The following TUT4 variants were observed in gnomAD, a reference collection of about 807,000 sequenced individuals.
TUT4 encodes the protein terminal uridylyltransferase 4.
Under a neutral mutation model 192.2 loss-of-function variants are expected in TUT4, and 36 were observed. The observed-to-expected ratio is 0.19, with a 90% CI of 0.14 to 0.25. The LOEUF is 0.25. TUT4 is among the 10% of genes least tolerant of loss of function. The pLI is 1.00. For synonymous variants in TUT4, 618 were observed against 666.0 expected, an observed-to-expected ratio of 0.93 and a Z score of 1.11; for missense variants, 1,493 against 1,957.2, an observed-to-expected ratio of 0.76 and a Z score of 4.47.
chr1:52,505,642 G>C (rs1303181845), intron 4 of TUT4, among the ~76,000 whole-genome samples: 1 of 151,806 alleles, frequency 6.6e-6, no homozygotes, highest in Non-Finnish European at 1.5e-5. Context: ...GGCTGGTCTC[G>C]AATTCCCAAC....
At chr1:52,463,090 T>C in intron 16 of TUT4, 1 of 983,364 alleles carries the variant, frequency 1.0e-6, no homozygotes. Flanking sequence ...CTTAAAAGTT[T>C]CAATTATGGC....
chr1:52,488,994 C>A lies in TUT4; in HGVS notation c.1430G>T (p.Cys477Phe). 6.2e-7 allele frequency: 1 copy of A among 1,613,670 alleles called. No individual in the cohort carries two copies. Residue 477 changes from cysteine to phenylalanine, a missense_variant, in exon 9 of 30, where the codon TGT (cysteine) becomes TTT (phenylalanine). Coordinates refer to ENST00000257177, the MANE Select transcript of TUT4 (RefSeq NM_001009881.3). ...CRVSAGNDMACLTTDLLTALG... is the reference protein window; with the variant it reads ...CRVSAGNDMAFLTTDLLTALG... Reference sequence around the variant, plus strand: ...GGCAGTAAGTAAATCAGTAGTGAGACATGCCATATCGTTTCCTGCACTCAC... The same window carrying A: ...GGCAGTAAGTAAATCAGTAGTGAGAAATGCCATATCGTTTCCTGCACTCAC...
intron 27 of TUT4, chr1:52,432,525 T>G (rs1042029961): frequency 3.3e-5 from 5 of 152,180 alleles, no homozygotes; most frequent in Non-Finnish European, 7.3e-5. Context: ...CTAAATGCAG[T>G]GGTAAACCAC....
At chr1:52,524,509 G>A (rs1001009590) in intron 2 of TUT4, among the ~76,000 whole-genome samples, 4 of 146,938 alleles carry the variant, frequency 2.7e-5, no homozygotes, top group Non-Finnish European at 5.9e-5. Flanking sequence ...GGGTGACAGA[G>A]CGAGACTCCA....
At chr1:52,499,945 T>G (rs1673631026) in intron 4 of TUT4, among the ~76,000 whole-genome samples, 1 of 149,926 alleles carries the variant, frequency 6.7e-6, no homozygotes, top group South Asian at 2.1e-4. Flanking sequence ...TATACATATA[T>G]ATACACACAC....
chr1:52,493,708 G>A (rs202005894), intron 6 of TUT4, 46 bp from the exon 7 acceptor site: 27 of 1,204,820 alleles, frequency 2.2e-5, no homozygotes, highest in Non-Finnish European at 2.9e-5. Flanking sequence ...TTCAAAGTTC[G>A]GACAGCAGAA....
intron 20 of TUT4, among the ~76,000 whole-genome samples, chr1:52,456,893 CATCAGT>C (rs1438826062): frequency 6.6e-6 from 1 of 152,062 alleles, no homozygotes; most frequent in Non-Finnish European, 1.5e-5. Flanking sequence ...AATGTAGGTT[CATCAGT>C]TGTAAAAAAT....
intron 28 of TUT4, among the ~76,000 whole-genome samples, chr1:52,426,539 G>A (rs1030241571): frequency 2.6e-5 from 4 of 151,950 alleles, no homozygotes; most frequent in African/African-American, 9.7e-5. Flanking sequence ...AATTAAGTAC[G>A]GGATAGGAAA....
chr1:52,459,651 C>T (rs1304709509), intron 19 of TUT4, among the ~76,000 whole-genome samples: 1 of 151,616 alleles, frequency 6.6e-6, no homozygotes, highest in Non-Finnish European at 1.5e-5. Flanking sequence ...TTTGGGAGGC[C>T]GAGGCGGGCG....
At chr1:52,517,242 C>T (rs1015465425) in intron 2 of TUT4, among the ~76,000 whole-genome samples, 9 of 152,164 alleles carry the variant, frequency 5.9e-5, no homozygotes, top group South Asian at 2.1e-4. Context: ...CATTAGATGA[C>T]GGATTTCTTG....
intron 24 of TUT4, among the ~76,000 whole-genome samples, chr1:52,439,068 TAAAAAAAAAA>T (rs984014427): frequency 1.3e-5 from 1 of 79,292 alleles, no homozygotes. Context: ...AGACTCCATC[TAAAAAAAAAA>T]AAAAAAAAAA....
intron 28 of TUT4, among the ~76,000 whole-genome samples, chr1:52,430,375 T>C (rs1431236417): frequency 6.6e-6 from 1 of 152,128 alleles, no homozygotes; most frequent in Admixed American, 6.6e-5. Flanking sequence ...CTCCACCTCC[T>C]GGGTTCAAGC....
In TUT4 at chr1:52,526,287, A is replaced by G; in HGVS notation, c.-7T>C. On this transcript the variant is annotated 5_prime_UTR_variant, in exon 2 of 30. Transcript: ENST00000257177. ...AGGTTTTAGACTCTTCCATTATTTGAAAATCTGTTTCTTTCCAATTGTGAT... is the reference window on the plus strand; with the variant it reads ...AGGTTTTAGACTCTTCCATTATTTGGAAATCTGTTTCTTTCCAATTGTGAT... The G allele has an allele frequency of 2.0e-6, 3 of 1,494,994 alleles. No homozygotes were observed. Among genetic ancestry groups the G allele is most frequent in the Non-Finnish European group, 2.7e-6 (3 of 1,131,652 alleles). The allele number at this position is 1,494,994 out of a possible 1,614,324, so 92.6% of individuals were successfully genotyped here.
At chr1:52,541,232 A>T (rs930569996) in intron 1 of TUT4, among the ~76,000 whole-genome samples, 1 of 147,450 alleles carries the variant, frequency 6.8e-6, no homozygotes, top group African/African-American at 2.5e-5. Flanking sequence ...AAAAAAGAAG[A>T]AGTAAAACTT....
intron 14 of TUT4, among the ~76,000 whole-genome samples, chr1:52,469,660 G>A (rs1665155749): frequency 6.6e-6 from 1 of 152,132 alleles, no homozygotes. Flanking sequence ...GGAGGCTGAG[G>A]AGGGTGGATC....
At chr1:52,474,707 C>G (rs1666653818) in intron 13 of TUT4, 125 bp downstream of exon 13, 1 of 833,854 alleles carries the variant, frequency 1.2e-6, no homozygotes, top group African/African-American at 1.7e-5. Flanking sequence ...AAAATACATA[C>G]CAAAATATCA....
Position 52,481,866 on chromosome 1 carries a change from T to A in TUT4, c.1573A>T (p.Met525Leu). ...CTCTGTTGTAGAAAAAACATCACCA[T>A]TAAAGCAAAACAGTAAGAAGGGATT... ...GGIPSYCFAL[M>L]VMFFLQQRKP... Residue 525 changes from methionine to leucine, a missense_variant, in exon 10 of 30, where the codon ATG becomes TTG. Met to Leu is a conservative substitution (Grantham distance 15). This residue lies in a region of TUT4 where 437 missense variants were observed against 577.6 expected (regional missense o/e 0.76). Coordinates refer to ENST00000257177, the MANE Select transcript of TUT4 (RefSeq NM_001009881.3). The A allele has an allele frequency of 6.3e-7, 1 of 1,599,808 alleles. No individual in the cohort carries two copies.
intron 1 of TUT4, among the ~76,000 whole-genome samples, chr1:52,533,533 A>G (rs1445347919): frequency 6.6e-6 from 1 of 152,138 alleles, no homozygotes; most frequent in Non-Finnish European, 1.5e-5. Flanking sequence ...CTTTCACTAC[A>G]GTTGTCGTTA....
intron 3 of TUT4, among the ~76,000 whole-genome samples, chr1:52,512,777 C>T (rs187742253): frequency 6.6e-6 from 1 of 152,042 alleles, no homozygotes; most frequent in African/African-American, 2.4e-5. Flanking sequence ...GAAAATTTAG[C>T]CTTCTGATCT....
Sources: allele counts gnomAD v4.1 joint callset (sites outside exome capture counted in the v4.1 genomes callset), GRCh38; gene constraint gnomAD v4.1.1; regional missense constraint gnomAD v4.1.1; transcripts MANE v1.5; gene names NCBI Gene and HGNC (gene_info 2026-07-23, HGNC 2026-07-21).